The following LEPR variants were observed in gnomAD, a reference collection of about 807,000 sequenced individuals.
The protein encoded by LEPR is leptin receptor, also known as OB receptor.
Under a neutral mutation model 114.7 loss-of-function variants are expected in LEPR, and 56 were observed. That is an observed-to-expected ratio of 0.49 (90% CI 0.39 to 0.61). The LOEUF (loss-of-function observed/expected upper bound fraction) is 0.61, where lower values mean the gene tolerates loss of function less well. Ranked by LOEUF, LEPR falls within the 20% of genes least tolerant of loss-of-function variation. The pLI is 0.00. For synonymous variants in LEPR, 443 were observed against 461.4 expected, an observed-to-expected ratio of 0.96 and a Z score of 0.51; for missense variants, 1,202 against 1,352.9, an observed-to-expected ratio of 0.89 and a Z score of 1.75.
intron 2 of LEPR, 39 bp from the exon 3 acceptor site, chr1:65,565,507 T>C (rs935387072): frequency 8.1e-6 from 13 of 1,605,604 alleles, no homozygotes; most frequent in Non-Finnish European, 1.1e-5. Context: ...TGTGTTTTTG[T>C]TTTTGTGTGT....
In LEPR at chr1:65,636,726, A is replaced by C; in HGVS notation, c.3209A>C (p.Glu1070Ala). ...LLKLEGNFPE[E>A]NNDKKSIYYL... Reference sequence around the variant, plus strand: ...AAATTGGAGGGAAATTTCCCTGAAGAAAATAATGATAAAAAGTCTATCTAT... The same window carrying C: ...AAATTGGAGGGAAATTTCCCTGAAGCAAATAATGATAAAAAGTCTATCTAT... Residue 1070 changes from glutamate (E) to alanine (A), a missense_variant, in exon 20 of 20, where the codon GAA (glutamate) becomes GCA (alanine). Transcript: ENST00000349533. 1 of 1,610,344 alleles carries C rather than the reference A, an allele frequency of 6.2e-7. No homozygotes were observed. The highest frequency in any genetic ancestry group is 8.5e-7 in the Non-Finnish European group (1 of 1,178,536).
intron 2 of LEPR, among the ~76,000 whole-genome samples, chr1:65,455,298 C>T (rs1329713072): frequency 6.6e-6 from 1 of 152,254 alleles, no homozygotes; most frequent in Non-Finnish European, 1.5e-5. Context: ...AAGTCATTCT[C>T]TGTCCAGCTT....
At chr1:65,519,013 C>CTTTCTT (rs1553160685) in intron 2 of LEPR, among the ~76,000 whole-genome samples, 11 of 66,172 alleles carry the variant, frequency 1.7e-4, no homozygotes, top group Middle Eastern at 0.011. Flanking sequence ...TTCTTTCTTT[C>CTTTCTT]TCTTTCTTTC....
At chr1:65,466,854 G>T (rs1647019849) in intron 2 of LEPR, among the ~76,000 whole-genome samples, 1 of 152,100 alleles carries the variant, frequency 6.6e-6, no homozygotes, top group African/African-American at 2.4e-5. Context: ...CGAAGTTCTT[G>T]TGCCATGGTT....
intron 2 of LEPR, 118 bp downstream of exon 2, chr1:65,425,496 C>T: frequency 1.3e-6 from 1 of 757,854 alleles, no homozygotes; most frequent in Non-Finnish European, 2.1e-6. Flanking sequence ...TTAGTGGAGC[C>T]CAGTTTATGA....
At position 65,639,732 on chromosome 1, in the gene LEPR, T is replaced by G. The variant is rs1658813393; in HGVS notation, c.*2717T>G. 2 of 152,188 alleles carry G rather than the reference T, an allele frequency of 1.3e-5. No homozygotes were observed. Among genetic ancestry groups the G allele is most frequent in the South Asian group, 4.1e-4 (2 of 4,830 alleles). The allele number at this position is 152,188 out of a possible 1,614,324, so 9.4% of individuals were successfully genotyped here. A position where few individuals can be genotyped will look rare whatever the true frequency, so the allele number is the denominator to read the frequency against. ...CAGTCTTTCTAAATCTGACCTTCATTGAAAGCAACTCAGAAATTAATAATT... is the reference window on the plus strand; with the variant it reads ...CAGTCTTTCTAAATCTGACCTTCATGGAAAGCAACTCAGAAATTAATAATT... On this transcript the variant is annotated 3_prime_UTR_variant, in exon 20 of 20. Coordinates refer to ENST00000349533, the MANE Select transcript of LEPR (RefSeq NM_002303.6).
At chr1:65,570,432 A>AAAG in intron 3 of LEPR, 41 bp from the exon 4 acceptor site, 1 of 1,587,792 alleles carries the variant, frequency 6.3e-7, no homozygotes, top group Non-Finnish European at 8.6e-7. Flanking sequence ...CTTAGTCAAA[A>AAAG]TGATTACTTT....
chr1:65,598,904 A>G, intron 8 of LEPR, 100 bp downstream of exon 8: 1 of 1,545,774 alleles, frequency 6.5e-7, no homozygotes, highest in East Asian at 2.3e-5. Flanking sequence ...CTTAAAATGA[A>G]AGGAGGAACA....
chr1:65,618,164 T>TAGTA lies in LEPR; in HGVS notation c.2395+22_2395+25dup, dbSNP rs1657644195. ...TATCCATGGTAAGTTTACTATACTT[T>TAGTA]AGTAAGTTGCTCTCATGGATTAATA... On this transcript the variant is annotated intron_variant, in intron 16 of 19. Transcript: ENST00000349533. The TAGTA allele has an allele frequency of 6.3e-7, 1 of 1,593,578 alleles. No individual in the cohort carries two copies. Among genetic ancestry groups the TAGTA allele is most frequent in the Non-Finnish European group, 8.6e-7 (1 of 1,168,348 alleles).
intron 2 of LEPR, among the ~76,000 whole-genome samples, chr1:65,472,147 C>T (rs996572555): frequency 6.6e-6 from 1 of 151,986 alleles, no homozygotes; most frequent in African/African-American, 2.4e-5. Flanking sequence ...CAACTGAGGT[C>T]TTCAAAACAT....
chr1:65,629,870 A>T (rs992092150), intron 19 of LEPR, among the ~76,000 whole-genome samples: 1 of 152,128 alleles, frequency 6.6e-6, no homozygotes, highest in African/African-American at 2.4e-5. Flanking sequence ...CTCTAAAATT[A>T]CTATAAGCCA....
intron 2 of LEPR, chr1:65,432,308 CCT>C (rs1457866092): frequency 1.0e-6 from 1 of 992,460 alleles, no homozygotes; most frequent in Non-Finnish European, 1.2e-6. Flanking sequence ...GGGGTGGATC[CCT>C]CTTTGTGTTG....
intron 17 of LEPR, 26 bp downstream of exon 17, chr1:65,620,049 T>G (rs1393583670): frequency 6.5e-7 from 1 of 1,533,232 alleles, no homozygotes; most frequent in Non-Finnish European, 9.0e-7. Flanking sequence ...TTAGTTTCCT[T>G]TTACACCAAT....
intron 2 of LEPR, among the ~76,000 whole-genome samples, chr1:65,549,374 A>T (rs1015364843): frequency 6.6e-6 from 1 of 152,074 alleles, no homozygotes; most frequent in Non-Finnish European, 1.5e-5. Flanking sequence ...AGATTGGGGA[A>T]GTTCTCCTGG....
intron 2 of LEPR, chr1:65,434,567 C>G: frequency 1.0e-6 from 1 of 985,414 alleles, no homozygotes; most frequent in Non-Finnish European, 1.2e-6. Flanking sequence ...TATACCTAAC[C>G]TGTGATACTG....
chr1:65,452,054 T>A (rs1646793292), intron 2 of LEPR, among the ~76,000 whole-genome samples: 1 of 151,702 alleles, frequency 6.6e-6, no homozygotes, highest in Non-Finnish European at 1.5e-5. Flanking sequence ...TGAATGGGAG[T>A]TCACTCATGA....
chr1:65,520,225 G>A (rs1036441656), intron 2 of LEPR, among the ~76,000 whole-genome samples: 2 of 152,058 alleles, frequency 1.3e-5, no homozygotes, highest in African/African-American at 4.8e-5. Context: ...GAACTCCTAG[G>A]CCTTAAGTGA....
intron 2 of LEPR, among the ~76,000 whole-genome samples, chr1:65,449,815 TTTTTTC>T (rs1423763293): frequency 1.3e-5 from 2 of 152,104 alleles, no homozygotes; most frequent in African/African-American, 4.8e-5. Context: ...TTTGTTCCTC[TTTTTTC>T]TAGTTTTTTA....
intron 2 of LEPR, chr1:65,435,749 C>T (rs1280137592): frequency 1.0e-6 from 1 of 984,586 alleles, no homozygotes; most frequent in African/African-American, 1.7e-5. Context: ...TAGCATTTTC[C>T]AAGCATAGTA....
Sources: allele counts gnomAD v4.1 joint callset (sites outside exome capture counted in the v4.1 genomes callset), GRCh38; gene constraint gnomAD v4.1.1; transcripts MANE v1.5; gene names NCBI Gene and HGNC (gene_info 2026-07-23, HGNC 2026-07-21).